Variants in CEP95 observed in about 807,000 individuals in gnomAD.
CEP95 encodes centrosomal protein 95, also known as centrosomal protein of 95 kDa.
CEP95 carries 98 observed loss-of-function variants against 111.2 expected under a neutral mutation model. The observed-to-expected ratio is 0.88, with a 90% CI of 0.75 to 1.04. CEP95 has a LOEUF of 1.04. Ranked by LOEUF, CEP95 falls within the 50% of genes least tolerant of loss-of-function variation. The pLI is 0.00. For missense variants in CEP95, 1,027 were observed against 977.2 expected, an observed-to-expected ratio of 1.05 and a Z score of -0.68; for synonymous variants, 323 against 327.1, an observed-to-expected ratio of 0.99 and a Z score of 0.14.
At chr17:64,537,214 A>G in intron 19 of CEP95, 102 bp downstream of exon 19, 1 of 1,527,250 alleles carries the variant, frequency 6.5e-7, no homozygotes, top group Non-Finnish European at 8.8e-7. Context: ...TGTATCATAT[A>G]GCCCCGGTGT....
intron 3 of CEP95, among the ~76,000 whole-genome samples, chr17:64,511,000 AT>A (rs1331748721): frequency 6.6e-6 from 1 of 152,218 alleles, no homozygotes; most frequent in Admixed American, 6.5e-5. Flanking sequence ...AGGTTCCGTG[AT>A]GCCCCACAAG....
rs190123207 is a variant in CEP95 at position 64,509,162 on chromosome 17, G to A, written c.148+442G>A. 3.9e-5 allele frequency among the ~76,000 whole-genome samples: 6 copies of A among 152,278 alleles called. No homozygotes were observed. In the East Asian group the frequency reaches 1.2e-3, roughly 29 times the overall value. On this transcript the variant is annotated intron_variant, in intron 2 of 19. Transcript: ENST00000556440. ...GTGCTAGGGATAAGAATTGATGCTT[G>A]TAGATGATGAACCTCATTTACCAAG...
At chr17:64,510,868 G>A (rs974730645) in intron 3 of CEP95, among the ~76,000 whole-genome samples, 9 of 152,186 alleles carry the variant, frequency 5.9e-5, no homozygotes, top group African/African-American at 1.9e-4. Flanking sequence ...AACCTGCCCC[G>A]ATAGTCACGT....
intron 4 of CEP95, chr17:64,514,661 C>T (rs1238857684): frequency 7.7e-6 from 3 of 387,560 alleles, no homozygotes; most frequent in African/African-American, 4.1e-5. Flanking sequence ...TTTCTTTCTC[C>T]AAAATTTCGT....
At chr17:64,526,492 C>T (rs1347050392) in intron 10 of CEP95, among the ~76,000 whole-genome samples, 5 of 152,052 alleles carry the variant, frequency 3.3e-5, no homozygotes, top group Admixed American at 6.5e-5. Flanking sequence ...CTTTATAGTT[C>T]CCCTTTGCCG....
In CEP95 at chr17:64,532,924, G is replaced by A; in HGVS notation, c.1758G>A (p.Met586Ile). 1 of 1,613,910 alleles carries A rather than the reference G, an allele frequency of 6.2e-7. No homozygotes were observed. Among genetic ancestry groups the A allele is most frequent in the Non-Finnish European group, 8.5e-7 (1 of 1,179,854 alleles). The change falls in exon 15 of 20, where the codon ATG becomes ATA. Residue 586 changes from methionine (M) to isoleucine (I), a missense_variant. Transcript: ENST00000556440. ...LYVSGPTLSK[M>I]WKQQIAQVEQ... is the part of the protein sequence containing the mutation. ...TTTCTGGCCCAACACTAAGCAAAAT[G>A]TGGAAACAGCAAATTGCACAGGTTG...
At chr17:64,516,969 C>T (rs945068466) in intron 5 of CEP95, 141 bp downstream of exon 5, 9 of 559,534 alleles carry the variant, frequency 1.6e-5, no homozygotes, top group Non-Finnish European at 2.5e-5. Flanking sequence ...TTAAACTTTC[C>T]TGAGGGAGTT....
intron 11 of CEP95, among the ~76,000 whole-genome samples, chr17:64,528,391 A>C (rs1215277135): frequency 6.6e-6 from 1 of 152,084 alleles, no homozygotes; most frequent in African/African-American, 2.4e-5. Context: ...ATTTCTAGGC[A>C]CCCTCATCCA....
rs200075663 is a variant in CEP95 at position 64,529,387 on chromosome 17, G to A, written c.1406G>A (p.Arg469His). The A allele has an allele frequency of 1.1e-5, 18 of 1,613,760 alleles. No individual in the cohort carries two copies. Among genetic ancestry groups the A allele is most frequent in the Admixed American group, 8.3e-5 (5 of 60,002 alleles). ...TTCCACTTGGAGAGAAAAAGGCAGC[G>A]CAAGCCAAGAGAAACAGATGTCCGC... is the stretch of plus-strand genomic sequence containing the variant. ...KQFHLERKRQRKPRETDVRQF... is the reference protein window; with the variant it reads ...KQFHLERKRQHKPRETDVRQF... Residue 469 changes from arginine to histidine, a missense_variant, in exon 12 of 20, where the codon CGC (arginine) becomes CAC (histidine). Physicochemically the swap from Arg to His is conservative, Grantham distance 29. Transcript: ENST00000556440.
chr17:64,529,867 G>A (rs1237832946), intron 12 of CEP95, among the ~76,000 whole-genome samples: 1 of 152,214 alleles, frequency 6.6e-6, no homozygotes, highest in Admixed American at 6.5e-5. Context: ...ACTGTGGAAT[G>A]TGGATTTTGA....
At chr17:64,534,493 ACAT>A (rs1968510694) in intron 16 of CEP95, 89 bp from the exon 17 acceptor site, 1 of 1,172,976 alleles carries the variant, frequency 8.5e-7, no homozygotes, top group Non-Finnish European at 1.2e-6. Flanking sequence ...CTGCCTGAAG[ACAT>A]CGTGATGGGG....
intron 1 of CEP95, chr17:64,508,151 G>A (rs1224334019): frequency 2.6e-5 from 26 of 985,166 alleles, no homozygotes; most frequent in Non-Finnish European, 3.0e-5. Flanking sequence ...AAGATAATTG[G>A]GTAAACACAA....
intron 8 of CEP95, 53 bp downstream of exon 8, chr17:64,522,948 C>G (rs749906889): frequency 1.5e-5 from 21 of 1,372,320 alleles, no homozygotes; most frequent in South Asian, 3.9e-5. Context: ...GTATGTATGT[C>G]TGTGTGTGTG....
Position 64,516,721 on chromosome 17 carries a change from A to C in CEP95, c.368-2A>C. 6.3e-7 allele frequency: 1 copy of C among 1,582,138 alleles called. No homozygotes were observed. Among genetic ancestry groups the C allele is most frequent in the South Asian group, 1.1e-5 (1 of 89,840 alleles). On this transcript the variant is annotated splice_acceptor_variant, in intron 4 of 19. Transcript: ENST00000556440. LOFTEE classifies it high-confidence loss of function. Reference sequence around the variant, plus strand: ...GGTATTGTTTTTATCTGTTCTGAACAGGTGAAACTGAACAGTATTTTAAAG... The same window carrying C: ...GGTATTGTTTTTATCTGTTCTGAACCGGTGAAACTGAACAGTATTTTAAAG...
chr17:64,519,315 T>C lies in CEP95; in HGVS notation c.474-6T>C, dbSNP rs919045083. ...GGGCCCTGAGTGAAGGAGGGAACTT[T>C]TCCAGGTGCTCCTTGTCTTCTGAGA... On this transcript the variant is annotated splice_region_variant and splice_polypyrimidine_tract_variant and intron_variant, in intron 5 of 19. Transcript: ENST00000556440. 2 of 1,611,642 alleles carry C rather than the reference T, an allele frequency of 1.2e-6. No homozygotes were observed. The highest frequency in any genetic ancestry group is 1.7e-6 in the Non-Finnish European group (2 of 1,177,812).
intron 3 of CEP95, among the ~76,000 whole-genome samples, chr17:64,510,814 T>C (rs1186053977): frequency 6.6e-6 from 1 of 152,178 alleles, no homozygotes; most frequent in African/African-American, 2.4e-5. Flanking sequence ...ACTCGTGAAA[T>C]TGCTGGGATT....
intron 4 of CEP95, among the ~76,000 whole-genome samples, chr17:64,515,012 G>T (rs1025327082): frequency 6.6e-6 from 1 of 152,166 alleles, no homozygotes; most frequent in African/African-American, 2.4e-5. Context: ...TGTTTATAGT[G>T]AGACCTGTGA....
At position 64,521,441 on chromosome 17, in the gene CEP95, T is replaced by C; in HGVS notation, c.629T>C (p.Leu210Ser). 1 of 1,612,744 alleles carries C rather than the reference T, an allele frequency of 6.2e-7. No homozygotes were observed. Among genetic ancestry groups the C allele is most frequent in the Non-Finnish European group, 8.5e-7 (1 of 1,178,884 alleles). ...CPNEMLSKKA[L>S]ASPSSKSHED... ...AATGAAATGCTGTCTAAAAAAGCCT[T>C]AGCCTCACCAAGTTCTAAATCACAT... The change falls in exon 7 of 20, where the codon TTA becomes TCA. Residue 210 changes from leucine to serine, a missense_variant. By Grantham distance (145) the Leu-to-Ser change is moderately radical. Transcript: ENST00000556440.
chr17:64,523,118 T>C (rs1209095455), intron 8 of CEP95, among the ~76,000 whole-genome samples: 1 of 152,172 alleles, frequency 6.6e-6, no homozygotes, highest in Non-Finnish European at 1.5e-5. Context: ...TGTATACACC[T>C]GCACATTCTT....
Sources: allele counts gnomAD v4.1 joint callset (sites outside exome capture counted in the v4.1 genomes callset), GRCh38; gene constraint gnomAD v4.1.1; transcripts MANE v1.5; gene names NCBI Gene and HGNC (gene_info 2026-07-23, HGNC 2026-07-21).